The following RCHY1 variants were observed in gnomAD, a reference collection of about 807,000 sequenced individuals.
The protein encoded by RCHY1 is RING finger and CHY zinc finger domain-containing protein 1.
A neutral mutation model predicts 41.6 loss-of-function variants in RCHY1; 21 were observed. That is an observed-to-expected ratio of 0.51 (90% CI 0.36 to 0.73). The LOEUF is 0.73. RCHY1 is among the 30% of genes least tolerant of loss of function. The pLI is 0.00. For missense variants in RCHY1, 265 were observed against 325.3 expected (o/e 0.81, Z 1.43); for synonymous variants, 79 against 102.9 (o/e 0.77, Z 1.41).
chr4:75,511,705 A>G (rs1040122293), intron 1 of RCHY1, among the ~76,000 whole-genome samples: 6 of 152,126 alleles, frequency 3.9e-5, no homozygotes, highest in African/African-American at 1.4e-4. Flanking sequence ...GCTTTTTAAA[A>G]AAACTATAGG....
chr4:75,495,417 A>G (rs1041549500), intron 3 of RCHY1, among the ~76,000 whole-genome samples: 2 of 151,998 alleles, frequency 1.3e-5, no homozygotes, highest in African/African-American at 4.8e-5. Flanking sequence ...TTCTTCTACA[A>G]TGATAGGGTA....
intron 3 of RCHY1, among the ~76,000 whole-genome samples, chr4:75,501,475 T>C (rs1723754478): frequency 6.6e-6 from 1 of 152,228 alleles, no homozygotes; most frequent in Non-Finnish European, 1.5e-5. Context: ...AGTTTTTCAG[T>C]ATGCCATATG....
Position 75,479,778 on chromosome 4 carries a change from A to G in RCHY1, c.*2760T>C, listed in dbSNP as rs570352502. On this transcript the variant is annotated 3_prime_UTR_variant, in exon 9 of 9. Transcript: ENST00000324439. ...TAGATACAAATTCTGCGGCAGGGCAACCTAACTTATTTCAGGGACAGATAA... is the reference window on the plus strand; with the variant it reads ...TAGATACAAATTCTGCGGCAGGGCAGCCTAACTTATTTCAGGGACAGATAA... 3.9e-5 allele frequency: 6 copies of G among 152,268 alleles called. No homozygotes were observed. Among genetic ancestry groups the G allele is most frequent in the African/African-American group, 1.4e-4 (6 of 41,576 alleles). The allele number at this position is 152,268 out of a possible 1,614,324, so 9.4% of individuals were successfully genotyped here.
chr4:75,497,626 C>T (rs1419689934), intron 3 of RCHY1, among the ~76,000 whole-genome samples: 1 of 150,254 alleles, frequency 6.7e-6, no homozygotes, highest in African/African-American at 2.5e-5. Flanking sequence ...TTAATTTAAA[C>T]TCTGTTAAGT....
At chr4:75,487,243 G>A (rs914826561) in intron 8 of RCHY1, among the ~76,000 whole-genome samples, 3 of 147,680 alleles carry the variant, frequency 2.0e-5, no homozygotes, top group Non-Finnish European at 4.5e-5. Flanking sequence ...ATTTCATGTA[G>A]TATTAATAAG....
At chr4:75,497,543 T>G (rs1449660809) in intron 3 of RCHY1, among the ~76,000 whole-genome samples, 1 of 152,186 alleles carries the variant, frequency 6.6e-6, no homozygotes, top group Admixed American at 6.5e-5. Context: ...ATTATCATTT[T>G]GGAGCTACCC....
At chr4:75,495,880 T>G (rs534905315) in intron 3 of RCHY1, among the ~76,000 whole-genome samples, 1 of 152,164 alleles carries the variant, frequency 6.6e-6, no homozygotes, top group South Asian at 2.1e-4. Flanking sequence ...TAAATTCATA[T>G]GTATAAATAT....
chr4:75,489,347 TC>T (rs769022200), intron 8 of RCHY1, among the ~76,000 whole-genome samples: 1 of 152,168 alleles, frequency 6.6e-6, no homozygotes, highest in Non-Finnish European at 1.5e-5. Flanking sequence ...ATAGAAGGTA[TC>T]CCATGCAAGA....
At chr4:75,482,724 G>C in intron 8 of RCHY1, 58 bp from the exon 9 acceptor site, 2 of 1,236,180 alleles carry the variant, frequency 1.6e-6, no homozygotes, top group Non-Finnish European at 2.2e-6. Flanking sequence ...AAGTAGCATT[G>C]TCTACTCATA....
intron 3 of RCHY1, among the ~76,000 whole-genome samples, chr4:75,507,530 T>C (rs1724440862): frequency 6.6e-6 from 1 of 152,016 alleles, no homozygotes; most frequent in Admixed American, 6.6e-5. Flanking sequence ...ACGAACTATA[T>C]ACTCCAATTA....
At chr4:75,503,567 T>C (rs1724002972) in intron 3 of RCHY1, among the ~76,000 whole-genome samples, 1 of 151,956 alleles carries the variant, frequency 6.6e-6, no homozygotes, top group Admixed American at 6.6e-5. Flanking sequence ...TGGTGGCGAG[T>C]GCCTGTAATC....
chr4:75,497,522 G>A (rs900319254), intron 3 of RCHY1, among the ~76,000 whole-genome samples: 1 of 152,034 alleles, frequency 6.6e-6, no homozygotes, highest in Non-Finnish European at 1.5e-5. Flanking sequence ...AGCCAAGGTT[G>A]GTCTGAACCT....
At chr4:75,502,268 C>A (rs1447466665) in intron 3 of RCHY1, among the ~76,000 whole-genome samples, 1 of 152,052 alleles carries the variant, frequency 6.6e-6, no homozygotes, top group Non-Finnish European at 1.5e-5. Flanking sequence ...AGGCCAGCTG[C>A]GGTGGCTCAC....
intron 8 of RCHY1, among the ~76,000 whole-genome samples, chr4:75,487,405 T>C (rs1328876696): frequency 2.0e-5 from 3 of 146,964 alleles, no homozygotes; most frequent in African/African-American, 7.5e-5. Flanking sequence ...TTTTAAAACC[T>C]GTTAATTCTC....
At chr4:75,482,758 A>G in intron 8 of RCHY1, 92 bp from the exon 9 acceptor site, 2 of 823,638 alleles carry the variant, frequency 2.4e-6, no homozygotes, top group East Asian at 3.3e-5. Flanking sequence ...CATATTAAAG[A>G]TGTGAAAATA....
intron 3 of RCHY1, among the ~76,000 whole-genome samples, chr4:75,506,325 G>C (rs1724304032): frequency 6.7e-6 from 1 of 149,596 alleles, no homozygotes; most frequent in African/African-American, 2.5e-5. Context: ...CATGTCAAAA[G>C]GCAGAACCAA....
intron 1 of RCHY1, chr4:75,513,925 A>G (rs955329108): frequency 3.2e-6 from 1 of 308,630 alleles, no homozygotes; most frequent in Non-Finnish European, 5.9e-6. Context: ...TTCGGCAGCA[A>G]AAGACGAATA....
Position 75,487,732 on chromosome 4 carries a change from AATATATATTCAT to A in RCHY1, c.657+2837_657+2848del, listed in dbSNP as rs1415507849. 2.3e-4 allele frequency among the ~76,000 whole-genome samples: 12 copies of A among 52,624 alleles called. 1 individual carries two copies. The highest frequency in any genetic ancestry group is 8.2e-5 in the African/African-American group (1 of 12,200). The allele number at this position is 52,624 out of a possible 152,430, so 34.5% of individuals were successfully genotyped here. A position where few individuals can be genotyped will look rare whatever the true frequency, so the allele number is the denominator to read the frequency against. On this transcript the variant is annotated intron_variant, in intron 8 of 8. Coordinates refer to ENST00000324439, the MANE Select transcript of RCHY1 (RefSeq NM_015436.4). ...AATATATATTCATATATATATTCAT[AATATATATTCAT>A]ATATATATTCATAATATATATATTC...
intron 1 of RCHY1, among the ~76,000 whole-genome samples, chr4:75,513,639 G>A (rs1322332964): frequency 6.6e-6 from 1 of 152,160 alleles, no homozygotes; most frequent in Admixed American, 6.5e-5. Context: ...TTTTCTCAGA[G>A]TAACAATACA....
Sources: gnomAD v4.1 joint callset for allele counts (sites outside exome capture counted in the v4.1 genomes callset) on GRCh38, gnomAD v4.1.1 for gene constraint, MANE v1.5 for transcripts, NCBI Gene and HGNC (gene_info 2026-07-23, HGNC 2026-07-21) for gene names.